Variants in SYTL2 observed in about 807,000 individuals in gnomAD.
SYTL2 encodes synaptotagmin like 2, also known as synaptotagmin-like protein 2.
SYTL2 carries 165 observed loss-of-function variants against 198.7 expected under a neutral mutation model. The observed-to-expected ratio is 0.83, with a 90% CI of 0.73 to 0.94. SYTL2 has a LOEUF of 0.94. SYTL2 is among the 40% of genes least tolerant of loss of function. The pLI is 0.00. For missense variants in SYTL2, 2,835 were observed against 2,582.8 expected, an observed-to-expected ratio of 1.10 and a Z score of -2.12; for synonymous variants, 966 against 917.7, an observed-to-expected ratio of 1.05 and a Z score of -0.95.
intron 10 of SYTL2, 191 bp from the exon 11 acceptor site, chr11:85,717,721 A>G (rs780146181): frequency 3.2e-6 from 2 of 626,464 alleles, no homozygotes; most frequent in South Asian, 3.0e-5. Flanking sequence ...CTGTTCAACT[A>G]AAAATCTGGG....
chr11:85,820,383 C>A, the SYTL2 span, among the ~76,000 whole-genome samples: 2 of 152,128 alleles, frequency 1.3e-5, no homozygotes, highest in Non-Finnish European at 2.9e-5. Context: ...CCAGACTGCC[C>A]ATGGCAAAAT....
At position 85,724,961 on chromosome 11, in the gene SYTL2, G is replaced by A. The variant is rs1312412292; in HGVS notation, c.4397C>T (p.Ser1466Phe). Residue 1466 changes from serine to phenylalanine, a missense_variant, in exon 8 of 20, where the codon TCC becomes TTC. By Grantham distance (155) the Ser-to-Phe change is radical. Around this residue, in one of 3 missense-constraint regions of SYTL2, gnomAD observed 2,645 missense variants for 2,381.7 expected, o/e 1.11. Coordinates refer to ENST00000359152, the MANE Select transcript of SYTL2 (RefSeq NM_206927.4). ...PSDQTLSSFA[S>F]IVAQYGKGLP... ...GCCTTTGCCATATTGAGCAACAATG[G>A]AAGCAAATGAGCTAAGCGTCTGGTC... 6.2e-7 allele frequency: 1 copy of A among 1,613,768 alleles called. No homozygotes were observed. The highest frequency in any genetic ancestry group is 8.5e-7 in the Non-Finnish European group (1 of 1,179,878).
At chr11:85,760,176 G>C (rs943220277) in intron 1 of SYTL2, among the ~76,000 whole-genome samples, 4 of 152,140 alleles carry the variant, frequency 2.6e-5, no homozygotes, top group Admixed American at 1.3e-4. Flanking sequence ...TCTTCATCCT[G>C]GGTTCCAGAA....
chr11:85,817,796 T>C, the SYTL2 span, among the ~76,000 whole-genome samples: 1 of 152,226 alleles, frequency 6.6e-6, no homozygotes, highest in African/African-American at 2.4e-5. Context: ...TTAGTTACTC[T>C]GCTTTAGAAT....
intron 1 of SYTL2, among the ~76,000 whole-genome samples, chr11:85,766,829 C>A (rs1269537741): frequency 6.6e-6 from 1 of 152,158 alleles, no homozygotes; most frequent in African/African-American, 2.4e-5. Flanking sequence ...TCTTGGGGAG[C>A]CAGGGAAGGC....
intron 14 of SYTL2, among the ~76,000 whole-genome samples, chr11:85,708,624 T>C (rs290198): frequency 0.4 from 61,187 of 151,784 alleles, 12,967 homozygotes; most frequent in East Asian, 0.58. Flanking sequence ...TTATGAAGTG[T>C]GTCCCATGTA....
In SYTL2 at chr11:85,745,766, T is replaced by C. The variant is rs988288130; in HGVS notation, c.260A>G (p.Gln87Arg). 6.2e-7 allele frequency: 1 copy of C among 1,610,220 alleles called. No homozygotes were observed. Among genetic ancestry groups the C allele is most frequent in the Non-Finnish European group, 8.5e-7 (1 of 1,177,186 alleles). Residue 87 changes from glutamine to arginine, a missense_variant, in exon 4 of 20, where the codon CAG becomes CGG. Gln to Arg is a conservative substitution (Grantham distance 43). Around this residue, in one of 3 missense-constraint regions of SYTL2, gnomAD observed 2,645 missense variants for 2,381.7 expected, o/e 1.11. Coordinates refer to ENST00000359152, the MANE Select transcript of SYTL2 (RefSeq NM_206927.4). Reference sequence around the variant, plus strand: ...TGCCCCATTTTCTCTGTCTTTACTCTGCTCAGCTGAAACAGGAAACAGTAA... The same window carrying C: ...TGCCCCATTTTCTCTGTCTTTACTCCGCTCAGCTGAAACAGGAAACAGTAA... ...RKKRPQIAAEQSKDRENGAKE... is the reference protein window; with the variant it reads ...RKKRPQIAAERSKDRENGAKE...
At chr11:85,846,433 GTTTT>G in the SYTL2 span, among the ~76,000 whole-genome samples, 1 of 148,204 alleles carries the variant, frequency 6.7e-6, no homozygotes, top group African/African-American at 2.4e-5. Flanking sequence ...GTTTCATTTC[GTTTT>G]GTTTTTTTGA....
the SYTL2 span, among the ~76,000 whole-genome samples, chr11:85,836,781 G>A: frequency 6.6e-6 from 1 of 151,772 alleles, no homozygotes; most frequent in Non-Finnish European, 1.5e-5. Flanking sequence ...TATACTTTAT[G>A]CCTCCAAAGT....
the SYTL2 span, among the ~76,000 whole-genome samples, chr11:85,839,903 A>C: frequency 6.6e-6 from 1 of 152,208 alleles, no homozygotes; most frequent in Non-Finnish European, 1.5e-5. Context: ...TCCCACCAAC[A>C]GTGTACAAGG....
chr11:85,782,785 T>C (rs2092581719), intron 1 of SYTL2, among the ~76,000 whole-genome samples: 1 of 152,234 alleles, frequency 6.6e-6, no homozygotes, highest in African/African-American at 2.4e-5. Context: ...AGGGGCAAAA[T>C]GCCACCAGTC....
chr11:85,853,913 C>T, the SYTL2 span: 1 of 152,176 alleles, frequency 6.6e-6, no homozygotes, highest in Non-Finnish European at 1.5e-5. Flanking sequence ...GTGGCAGTCT[C>T]GGCTCACTGA....
intron 2 of SYTL2, among the ~76,000 whole-genome samples, chr11:85,749,975 A>G (rs1380339537): frequency 6.6e-6 from 1 of 152,154 alleles, no homozygotes; most frequent in Non-Finnish European, 1.5e-5. Flanking sequence ...CTGACCACCT[A>G]AAAAGGCTTC....
intron 1 of SYTL2, among the ~76,000 whole-genome samples, chr11:85,777,524 A>G (rs1430916878): frequency 6.6e-6 from 1 of 152,116 alleles, no homozygotes; most frequent in Non-Finnish European, 1.5e-5. Context: ...AAGGGAGAGG[A>G]GGGGAATGGC....
intron 5 of SYTL2, 24 bp from the exon 6 acceptor site, chr11:85,736,639 A>C: frequency 7.7e-7 from 1 of 1,294,334 alleles, no homozygotes; most frequent in Non-Finnish European, 1.1e-6. Flanking sequence ...TTGTTTATTA[A>C]ACTTATTTTA....
At chr11:85,760,330 C>T (rs986388734) in intron 1 of SYTL2, among the ~76,000 whole-genome samples, 2 of 152,214 alleles carry the variant, frequency 1.3e-5, no homozygotes, top group Admixed American at 6.5e-5. Flanking sequence ...GCAGCAGGAA[C>T]CTGCTAATAC....
chr11:85,773,503 TAG>T (rs1200428655), intron 1 of SYTL2, among the ~76,000 whole-genome samples: 5 of 152,216 alleles, frequency 3.3e-5, no homozygotes, highest in Non-Finnish European at 4.4e-5. Flanking sequence ...TAAGTGGAGT[TAG>T]AGTCTCCTCC....
the SYTL2 span, among the ~76,000 whole-genome samples, chr11:85,846,586 C>T: frequency 1.3e-5 from 2 of 152,020 alleles, no homozygotes; most frequent in East Asian, 1.9e-4. Context: ...CACCACCACA[C>T]CCAGCTAATT....
chr11:85,709,520 A>G lies in SYTL2; in HGVS notation c.5746-20T>C. On this transcript the variant is annotated intron_variant, in intron 13 of 19. Transcript: ENST00000359152. ...ACTCACCTGAAAGCATCAGAAATACATAGTGTTTGTCTCTATCTCATTCTT... is the reference window on the plus strand; with the variant it reads ...ACTCACCTGAAAGCATCAGAAATACGTAGTGTTTGTCTCTATCTCATTCTT... The G allele has an allele frequency of 1.9e-6, 3 of 1,610,472 alleles. No homozygotes were observed. In the South Asian group the frequency reaches 3.3e-5, roughly 18 times the overall value.
Sources: gnomAD v4.1 joint callset for allele counts (sites outside exome capture counted in the v4.1 genomes callset) on GRCh38, gnomAD v4.1.1 for gene constraint, gnomAD v4.1.1 regional missense constraint, MANE v1.5 for transcripts, NCBI Gene and HGNC (gene_info 2026-07-23, HGNC 2026-07-21) for gene names.